Variants in C12orf42 observed in about 807,000 individuals in gnomAD.
C12orf42 encodes the protein uncharacterized protein C12orf42.
In C12orf42, 25 loss-of-function variants were observed where a neutral mutation model predicts 21.6. The ratio of observed to expected loss-of-function variants is 1.16; its 90% CI spans 0.84 to 1.62. C12orf42 has a LOEUF of 1.62. Among genes scored for constraint, C12orf42 ranks in the 40% most tolerant of loss-of-function variants. The pLI, the probability that C12orf42 is intolerant of heterozygous loss-of-function variation, is 0.00. For synonymous variants in C12orf42, 174 were observed against 175.0 expected, an observed-to-expected ratio of 0.99 and a Z score of 0.05; for missense variants, 483 against 459.3, an observed-to-expected ratio of 1.05 and a Z score of -0.47.
At chr12:103,100,143 AGGCAGGG>A in the C12orf42 span, among the ~76,000 whole-genome samples, 4 of 152,344 alleles carry the variant, frequency 2.6e-5, no homozygotes. Flanking sequence ...CAGATACCCA[AGGCAGGG>A]GGCAGAGGCC....
chr12:103,335,062 T>C (rs762603035), intron 4 of C12orf42, among the ~76,000 whole-genome samples: 3 of 152,204 alleles, frequency 2.0e-5, no homozygotes, highest in Non-Finnish European at 2.9e-5. Flanking sequence ...TATTTCTGTG[T>C]TTTATGAGAG....
At chr12:103,293,651 A>AT (rs1439122537) in intron 4 of C12orf42, among the ~76,000 whole-genome samples, 1 of 152,070 alleles carries the variant, frequency 6.6e-6, no homozygotes, top group Non-Finnish European at 1.5e-5. Context: ...AGAATTTAGA[A>AT]TTTTTTCTAT....
chr12:103,232,147 T>C, the C12orf42 span, among the ~76,000 whole-genome samples: 1 of 152,236 alleles, frequency 6.6e-6, no homozygotes, highest in Non-Finnish European at 1.5e-5. Flanking sequence ...TTTTAAATCA[T>C]ATTGTTTGGT....
chr12:103,415,295 A>C (rs574599029), intron 2 of C12orf42, among the ~76,000 whole-genome samples: 1 of 152,288 alleles, frequency 6.6e-6, no homozygotes, highest in African/African-American at 2.4e-5. Context: ...TCTTGGCCTA[A>C]GAAATGACTT....
the C12orf42 span, among the ~76,000 whole-genome samples, chr12:103,131,736 G>A: frequency 6.6e-6 from 1 of 152,204 alleles, no homozygotes; most frequent in Non-Finnish European, 1.5e-5. Context: ...TCCTGATAGT[G>A]GTGGCAGTAA....
chr12:103,266,840 C>T (rs2035194443), downstream of C12orf42, among the ~76,000 whole-genome samples: 2 of 152,046 alleles, frequency 1.3e-5, no homozygotes, highest in African/African-American at 4.8e-5. Flanking sequence ...TCAAACAGCA[C>T]ACCAGGTGTA....
At chr12:103,235,604 T>C (rs1180006346), downstream of C12orf42, among the ~76,000 whole-genome samples, 1 of 152,168 alleles carries the variant, frequency 6.6e-6, no homozygotes, top group Non-Finnish European at 1.5e-5. Flanking sequence ...ATGCATAGTG[T>C]TACATGTATG....
At chr12:103,088,100 G>T in the C12orf42 span, among the ~76,000 whole-genome samples, 1,656 of 152,274 alleles carry the variant, frequency 0.011, 12 homozygotes, top group South Asian at 0.019. Flanking sequence ...AACTGGGATA[G>T]AACTTACAAA....
intron 2 of C12orf42, among the ~76,000 whole-genome samples, chr12:103,472,356 A>C (rs1303451897): frequency 6.6e-6 from 1 of 152,190 alleles, no homozygotes; most frequent in Non-Finnish European, 1.5e-5. Flanking sequence ...ACCCAGCCAC[A>C]ACTCAATTTT....
At chr12:103,529,601 G>A in the C12orf42 span, among the ~76,000 whole-genome samples, 2 of 152,174 alleles carry the variant, frequency 1.3e-5, no homozygotes, top group Non-Finnish European at 2.9e-5. Context: ...AGTCAGGGAT[G>A]GCGGGATTTG....
chr12:103,195,879 A>G, the C12orf42 span, among the ~76,000 whole-genome samples: 2 of 152,022 alleles, frequency 1.3e-5, no homozygotes, highest in Non-Finnish European at 2.9e-5. Context: ...ATTCAGAATG[A>G]TATTTCCTGA....
At chr12:103,326,767 C>T (rs916511172) in intron 4 of C12orf42, among the ~76,000 whole-genome samples, 3 of 152,184 alleles carry the variant, frequency 2.0e-5, no homozygotes, top group Non-Finnish European at 4.4e-5. Context: ...AAAATGACAC[C>T]TCTGAACTGC....
At chr12:103,326,354 C>T (rs2040700455) in intron 4 of C12orf42, among the ~76,000 whole-genome samples, 1 of 152,218 alleles carries the variant, frequency 6.6e-6, no homozygotes, top group African/African-American at 2.4e-5. Flanking sequence ...CTCATAGACT[C>T]TTCAGTCTAT....
At chr12:103,233,536 A>G (rs1017656041), downstream of C12orf42, among the ~76,000 whole-genome samples, 1 of 152,118 alleles carries the variant, frequency 6.6e-6, no homozygotes, top group African/African-American at 2.4e-5. Context: ...GAATTTGTGC[A>G]TATTTTGTTA....
chr12:103,112,737 A>G, the C12orf42 span, among the ~76,000 whole-genome samples: 1 of 152,198 alleles, frequency 6.6e-6, no homozygotes, highest in Non-Finnish European at 1.5e-5. Context: ...TAAGTCCTTA[A>G]CTTGGAATGC....
chr12:103,186,153 G>A, the C12orf42 span, among the ~76,000 whole-genome samples: 1 of 152,162 alleles, frequency 6.6e-6, no homozygotes, highest in African/African-American at 2.4e-5. Context: ...TCTCTTGACA[G>A]AAGAGAGTAG....
chr12:103,055,684 G>T, the C12orf42 span, among the ~76,000 whole-genome samples: 1 of 151,978 alleles, frequency 6.6e-6, no homozygotes, highest in Non-Finnish European at 1.5e-5. Context: ...TATGAATTCA[G>T]TACCATTGAT....
At chr12:103,118,732 A>G in the C12orf42 span, among the ~76,000 whole-genome samples, 2 of 137,022 alleles carry the variant, frequency 1.5e-5, no homozygotes, top group African/African-American at 2.7e-5. Context: ...CGGAAGGCAG[A>G]GCTTGCAGTG....
chr12:103,428,813 C>T (rs1381332143), intron 2 of C12orf42, among the ~76,000 whole-genome samples: 1 of 152,140 alleles, frequency 6.6e-6, no homozygotes, highest in Non-Finnish European at 1.5e-5. Flanking sequence ...GCTGGTTCAA[C>T]ATACACAAAT....
Sources: allele counts gnomAD v4.1 joint callset (sites outside exome capture counted in the v4.1 genomes callset), GRCh38; gene constraint gnomAD v4.1.1; transcripts MANE v1.5; gene names NCBI Gene and HGNC (gene_info 2026-07-23, HGNC 2026-07-21).